GNAQ: variants seen among roughly 807,000 people sequenced by gnomAD.
GNAQ encodes the protein guanine nucleotide-binding protein G(q) subunit alpha.
GNAQ carries 8 observed loss-of-function variants against 43.9 expected under a neutral mutation model. That is an observed-to-expected ratio of 0.18 (90% confidence interval 0.11 to 0.33). GNAQ has a LOEUF of 0.33. Ranked by LOEUF, GNAQ falls within the 10% of genes least tolerant of loss-of-function variation. GNAQ has a pLI of 1.00. For synonymous variants in GNAQ, 155 were observed against 170.7 expected, an observed-to-expected ratio of 0.91 and a Z score of 0.71; for missense variants, 158 against 450.8, an observed-to-expected ratio of 0.35 and a Z score of 5.88.
chr9:78,001,241 T>C (rs146961195), intron 1 of GNAQ, among the ~76,000 whole-genome samples: 2,031 of 151,420 alleles, frequency 0.013, 43 homozygotes, highest in African/African-American at 0.046. Flanking sequence ...CTACTAAAAA[T>C]ACAAAAAAAA....
intron 1 of GNAQ, among the ~76,000 whole-genome samples, chr9:77,929,141 C>T (rs1829111557): frequency 2.6e-5 from 4 of 152,182 alleles, no homozygotes; most frequent in South Asian, 4.1e-4. Flanking sequence ...CATGCTAAAA[C>T]TTGTTCAGCA....
At chr9:77,945,342 A>C (rs976247635) in intron 1 of GNAQ, among the ~76,000 whole-genome samples, 3 of 151,844 alleles carry the variant, frequency 2.0e-5, no homozygotes, top group South Asian at 4.1e-4. Flanking sequence ...AAGTAGTTTA[A>C]AAAAAAAGAG....
intron 1 of GNAQ, among the ~76,000 whole-genome samples, chr9:78,012,151 C>T (rs918964030): frequency 1.3e-5 from 2 of 151,160 alleles, no homozygotes; most frequent in African/African-American, 2.4e-5. Context: ...ACGTGGCAAG[C>T]AAGGTAGGTA....
intron 5 of GNAQ, among the ~76,000 whole-genome samples, chr9:77,737,799 A>T (rs1825596926): frequency 6.6e-6 from 1 of 152,196 alleles, no homozygotes; most frequent in South Asian, 2.1e-4. Context: ...CTGTGTCAAG[A>T]GCACAAAGGT....
chr9:77,797,748 A>G (rs2118457798), intron 3 of GNAQ, 100 bp from the exon 4 acceptor site: 1 of 999,988 alleles, frequency 1.0e-6, no homozygotes. Context: ...AGAGAAGTAA[A>G]GAAGAGAAAG....
chr9:77,834,580 T>A (rs371042404), intron 2 of GNAQ, among the ~76,000 whole-genome samples: 2 of 152,190 alleles, frequency 1.3e-5, no homozygotes, highest in African/African-American at 4.8e-5. Context: ...ATAAACCTGA[T>A]TGATTTTAGA....
At position 77,730,634 on chromosome 9, in the gene GNAQ, C is replaced by T. The variant is rs140355074; in HGVS notation, c.736-1967G>A. Among the ~76,000 whole-genome samples the T allele has an allele frequency of 3.9e-5, 6 of 152,204 alleles. No individual in the cohort carries two copies. In the South Asian group the frequency reaches 6.2e-4, roughly 16 times the overall value. Reference sequence around the variant, plus strand: ...AGATAATTAAAATTAATAAAATATGCGGGCTGATATAATGAAAGATAACTT... The same window carrying T: ...AGATAATTAAAATTAATAAAATATGTGGGCTGATATAATGAAAGATAACTT... On this transcript the variant is annotated intron_variant, in intron 5 of 6. Coordinates refer to ENST00000286548, the MANE Select transcript of GNAQ (RefSeq NM_002072.5).
intron 1 of GNAQ, among the ~76,000 whole-genome samples, chr9:77,991,709 C>T (rs1345259070): frequency 6.6e-6 from 1 of 151,998 alleles, no homozygotes; most frequent in Non-Finnish European, 1.5e-5. Flanking sequence ...GTCTTTTATC[C>T]CTCACCCCCG....
intron 5 of GNAQ, among the ~76,000 whole-genome samples, chr9:77,774,008 A>T (rs530910936): frequency 7.4e-5 from 11 of 148,674 alleles, no homozygotes; most frequent in East Asian, 1.9e-4. Context: ...TTTTTTTTTT[A>T]AAAAGGAAGA....
Position 77,993,836 on chromosome 9 carries a change from G to A in GNAQ, c.136+37264C>T, listed in dbSNP as rs139367718. ...ACTTTAAATATATGAACACATAACT[G>A]TAAAATATCATTTTGAAATGATTTA... On this transcript the variant is annotated intron_variant, in intron 1 of 6. Coordinates refer to ENST00000286548, the MANE Select transcript of GNAQ (RefSeq NM_002072.5). Among the ~76,000 whole-genome samples, 301 of 152,162 alleles carry A rather than the reference G, an allele frequency of 2.0e-3. 1 individual carries two copies. Among genetic ancestry groups the A allele is most frequent in the African/African-American group, 6.8e-3 (281 of 41,512 alleles).
chr9:77,812,600 A>T (rs1826945222), intron 3 of GNAQ, among the ~76,000 whole-genome samples: 2 of 152,218 alleles, frequency 1.3e-5, no homozygotes, highest in South Asian at 4.1e-4. Flanking sequence ...CAACAACCAG[A>T]TGCAATGTGA....
chr9:77,867,434 C>A (rs1004151620), intron 2 of GNAQ, among the ~76,000 whole-genome samples: 1 of 152,086 alleles, frequency 6.6e-6, no homozygotes, highest in Admixed American at 6.6e-5. Flanking sequence ...AGTAGAAAAA[C>A]AAAATTAAAG....
intron 5 of GNAQ, among the ~76,000 whole-genome samples, chr9:77,737,235 C>G (rs1259338779): frequency 6.6e-6 from 1 of 152,210 alleles, no homozygotes; most frequent in Non-Finnish European, 1.5e-5. Flanking sequence ...CTTCTCGTTG[C>G]TCTCTGATGT....
intron 5 of GNAQ, among the ~76,000 whole-genome samples, chr9:77,762,490 C>G (rs1261920284): frequency 7.0e-6 from 1 of 143,514 alleles, no homozygotes; most frequent in South Asian, 2.4e-4. Flanking sequence ...GTCAGCCCCC[C>G]GCCTGGCCAG....
intron 2 of GNAQ, among the ~76,000 whole-genome samples, chr9:77,880,795 T>C (rs765535870): frequency 1.5e-4 from 23 of 152,144 alleles, no homozygotes; most frequent in Admixed American, 3.9e-4. Context: ...CTGGAGTGTG[T>C]TTTTCACTGC....
At chr9:77,987,528 G>A (rs1311327365) in intron 1 of GNAQ, among the ~76,000 whole-genome samples, 1 of 152,154 alleles carries the variant, frequency 6.6e-6, no homozygotes, top group African/African-American at 2.4e-5. Flanking sequence ...CTATGTCCTT[G>A]TGAATATCTC....
intron 1 of GNAQ, among the ~76,000 whole-genome samples, chr9:77,926,344 A>G (rs2118291099): frequency 6.6e-6 from 1 of 152,318 alleles, no homozygotes; most frequent in African/African-American, 2.4e-5. Context: ...ACATAAAATT[A>G]TGTTGTTTCC....
chr9:77,959,349 A>G (rs1002280984), intron 1 of GNAQ, among the ~76,000 whole-genome samples: 18 of 152,294 alleles, frequency 1.2e-4, no homozygotes, highest in African/African-American at 4.1e-4. Context: ...ATCTGTTTTC[A>G]TATATAACTT....
intron 3 of GNAQ, among the ~76,000 whole-genome samples, chr9:77,798,813 T>C (rs1826699520): frequency 6.6e-6 from 1 of 152,224 alleles, no homozygotes; most frequent in African/African-American, 2.4e-5. Flanking sequence ...CTGAATATTT[T>C]TGATCCATAA....
Sources: gnomAD v4.1 joint callset for allele counts (sites outside exome capture counted in the v4.1 genomes callset) on GRCh38, gnomAD v4.1.1 for gene constraint, MANE v1.5 for transcripts, NCBI Gene and HGNC (gene_info 2026-07-23, HGNC 2026-07-21) for gene names.